Variants in SNX24 observed in about 807,000 individuals in gnomAD.
SNX24 encodes the protein sorting nexin-24.
Under a neutral mutation model 28.7 loss-of-function variants are expected in SNX24, and 22 were observed. The observed-to-expected ratio is 0.77, with a 90% CI of 0.55 to 1.10. The LOEUF (loss-of-function observed/expected upper bound fraction) is 1.10, where lower values mean the gene tolerates loss of function less well. Among genes scored for constraint, SNX24 ranks in the 50% least tolerant of loss-of-function variants. The pLI, the probability that SNX24 is intolerant of heterozygous loss-of-function variation, is 0.00. For synonymous variants in SNX24, 69 were observed against 71.5 expected (o/e 0.96, Z 0.18); for missense variants, 221 against 201.1 (o/e 1.10, Z -0.60).
At chr5:123,012,922 C>T (rs1762615863), downstream of SNX24, among the ~76,000 whole-genome samples, 2 of 152,182 alleles carry the variant, frequency 1.3e-5, no homozygotes, top group South Asian at 4.1e-4. Flanking sequence ...AGAAACACCA[C>T]CCAGTTCACT....
chr5:122,976,820 A>T (rs999434291), intron 3 of SNX24, among the ~76,000 whole-genome samples: 6 of 152,238 alleles, frequency 3.9e-5, no homozygotes, highest in African/African-American at 1.4e-4. Flanking sequence ...AAGAAAAATC[A>T]ATTGCAATTC....
At chr5:122,873,333 G>T (rs1247391143) in intron 1 of SNX24, among the ~76,000 whole-genome samples, 1 of 152,118 alleles carries the variant, frequency 6.6e-6, no homozygotes, top group African/African-American at 2.4e-5. Context: ...TGAGTTCTGG[G>T]TCTAGAAAAA....
At chr5:123,003,228 G>A (rs376438822) in intron 6 of SNX24, among the ~76,000 whole-genome samples, 1 of 152,154 alleles carries the variant, frequency 6.6e-6, no homozygotes, top group Non-Finnish European at 1.5e-5. Flanking sequence ...TCCCTAGGAA[G>A]GGTTGAGGGA....
chr5:122,976,309 A>C (rs1189062540), intron 3 of SNX24, among the ~76,000 whole-genome samples: 1 of 150,988 alleles, frequency 6.6e-6, no homozygotes, highest in East Asian at 1.9e-4. Context: ...AAAAAAAAAA[A>C]ACAGGCAAAA....
chr5:122,863,803 C>T (rs1398501054), intron 1 of SNX24, among the ~76,000 whole-genome samples: 3 of 152,184 alleles, frequency 2.0e-5, no homozygotes, highest in Non-Finnish European at 4.4e-5. Flanking sequence ...GATCATCCCA[C>T]CTTGGCCTCC....
At chr5:122,865,981 A>G (rs1054349406) in intron 1 of SNX24, among the ~76,000 whole-genome samples, 4 of 152,224 alleles carry the variant, frequency 2.6e-5, no homozygotes, top group African/African-American at 9.6e-5. Context: ...ATTATGACAT[A>G]AAGTCAATAC....
intron 1 of SNX24, among the ~76,000 whole-genome samples, chr5:122,873,883 A>G (rs1756103222): frequency 6.7e-6 from 1 of 149,414 alleles, no homozygotes; most frequent in South Asian, 2.1e-4. Flanking sequence ...CTCCTGCCTC[A>G]GCCTCCTGAG....
rs565171717 is a variant in SNX24, at chr5:122,913,387, C to T, written c.61-23347C>T. Among the ~76,000 whole-genome samples the T allele has an allele frequency of 1.7e-3, 244 of 147,736 alleles. 1 individual carries two copies. The highest frequency in any genetic ancestry group is 5.6e-3 in the African/African-American group (223 of 39,906). On this transcript the variant is annotated intron_variant, in intron 1 of 6. Coordinates refer to ENST00000261369, the MANE Select transcript of SNX24 (RefSeq NM_014035.4). Reference sequence around the variant, plus strand: ...CTCCCGGACGGGGCGGCTGGCTGGGCGGGTGGCTGACCCCCCACCTCCCTC... The same window carrying T: ...CTCCCGGACGGGGCGGCTGGCTGGGTGGGTGGCTGACCCCCCACCTCCCTC...
chr5:122,852,713 C>T (rs1754980165), intron 1 of SNX24, among the ~76,000 whole-genome samples: 1 of 152,130 alleles, frequency 6.6e-6, no homozygotes, highest in South Asian at 2.1e-4. Context: ...GTTTCTTTCT[C>T]ATTAGCCCTA....
intron 3 of SNX24, among the ~76,000 whole-genome samples, chr5:122,989,917 C>T (rs1381424411): frequency 2.6e-5 from 4 of 152,180 alleles, no homozygotes; most frequent in African/African-American, 4.8e-5. Flanking sequence ...TCCTTACCAG[C>T]CATGTGTAGA....
At position 123,002,627 on chromosome 5, in the gene SNX24, G is replaced by T. The variant is rs568973248; in HGVS notation, c.442+623G>T. Among the ~76,000 whole-genome samples, 13 of 152,176 alleles carry T rather than the reference G, an allele frequency of 8.5e-5. No homozygotes were observed. In the South Asian group the frequency reaches 2.7e-3, roughly 32 times the overall value. On this transcript the variant is annotated intron_variant, in intron 6 of 6. Coordinates refer to ENST00000261369, the MANE Select transcript of SNX24 (RefSeq NM_014035.4). ...AGCCTGGGCGACAGAGCGAGACTCC[G>T]TCTCAAAAAAAAGCCTCTTCCCCGA...
At chr5:122,927,649 A>G (rs1023462589) in intron 1 of SNX24, among the ~76,000 whole-genome samples, 2 of 152,218 alleles carry the variant, frequency 1.3e-5, no homozygotes, top group Admixed American at 1.3e-4. Flanking sequence ...AGAGAAAGGC[A>G]TTTAAAGTGA....
intron 3 of SNX24, among the ~76,000 whole-genome samples, chr5:122,948,261 T>G (rs190749805): frequency 3.9e-5 from 6 of 152,288 alleles, no homozygotes; most frequent in Admixed American, 2.6e-4. Context: ...TCCTTAGAAG[T>G]AAGACAGCAT....
chr5:122,979,543 A>G (rs1174834733), intron 3 of SNX24, among the ~76,000 whole-genome samples: 1 of 152,200 alleles, frequency 6.6e-6, no homozygotes, highest in Non-Finnish European at 1.5e-5. Flanking sequence ...GAAAACTTGA[A>G]TTAACATAAT....
chr5:122,918,067 G>A (rs920108636), intron 1 of SNX24, among the ~76,000 whole-genome samples: 1 of 152,066 alleles, frequency 6.6e-6, no homozygotes, highest in Non-Finnish European at 1.5e-5. Context: ...GCGACAGAGC[G>A]AGACTCCATC....
intron 1 of SNX24, among the ~76,000 whole-genome samples, chr5:122,867,886 C>T (rs933710912): frequency 6.6e-6 from 1 of 152,220 alleles, no homozygotes; most frequent in African/African-American, 2.4e-5. Context: ...TCCATTCAGA[C>T]CATTGGCCAC....
At chr5:122,955,135 C>T (rs1006180616) in intron 3 of SNX24, among the ~76,000 whole-genome samples, 1 of 151,690 alleles carries the variant, frequency 6.6e-6, no homozygotes, top group Admixed American at 6.6e-5. Context: ...TGATTCTTTC[C>T]TTGATTCCTT....
At position 122,864,153 on chromosome 5, in the gene SNX24, C is replaced by T. The variant is rs1755612673; in HGVS notation, c.60+18460C>T. 6.1e-5 allele frequency among the ~76,000 whole-genome samples: 4 copies of T among 65,176 alleles called. No homozygotes were observed. In the Admixed American group the frequency reaches 6.8e-4, roughly 11 times the overall value. The allele number at this position is 65,176 out of a possible 152,430, so 42.8% of individuals were successfully genotyped here. A position where few individuals can be genotyped will look rare whatever the true frequency, so the allele number is the denominator to read the frequency against. On this transcript the variant is annotated intron_variant, in intron 1 of 6. Transcript: ENST00000261369. ...GAATAAACTATAAGGAAGAGTGCTGCAGTTAGGAAGCTCAGGAAGCTACTA... is the reference window on the plus strand; with the variant it reads ...GAATAAACTATAAGGAAGAGTGCTGTAGTTAGGAAGCTCAGGAAGCTACTA...
At chr5:122,943,231 A>G (rs1759537894) in intron 2 of SNX24, among the ~76,000 whole-genome samples, 1 of 152,162 alleles carries the variant, frequency 6.6e-6, no homozygotes, top group South Asian at 2.1e-4. Flanking sequence ...TCTCATCACT[A>G]TATGAACCTA....
Sources: gnomAD v4.1 joint callset for allele counts (sites outside exome capture counted in the v4.1 genomes callset) on GRCh38, gnomAD v4.1.1 for gene constraint, MANE v1.5 for transcripts, NCBI Gene and HGNC (gene_info 2026-07-23, HGNC 2026-07-21) for gene names.